Variants in TMEM51 observed in about 807,000 individuals in gnomAD.
TMEM51 encodes transmembrane protein 51.
Under a neutral mutation model 13.6 loss-of-function variants are expected in TMEM51, and 8 were observed. The observed-to-expected ratio is 0.59, with a 90% CI of 0.35 to 1.07. The LOEUF is 1.07. TMEM51 is among the 50% of genes least tolerant of loss of function. The pLI, the probability that TMEM51 is intolerant of heterozygous loss-of-function variation, is 0.02. For synonymous variants in TMEM51, 147 were observed against 144.4 expected (o/e 1.02, Z -0.13); for missense variants, 279 against 330.7 (o/e 0.84, Z 1.21).
At chr1:15,210,310 T>C (rs575417256) in intron 1 of TMEM51, among the ~76,000 whole-genome samples, 180 bp from the exon 2 acceptor site, 5 of 152,374 alleles carry the variant, frequency 3.3e-5, no homozygotes, top group African/African-American at 1.2e-4. Flanking sequence ...CTGCAACTCA[T>C]ATTTTTTTGT....
At chr1:15,188,091 C>A (rs573548900) in intron 1 of TMEM51, among the ~76,000 whole-genome samples, 1 of 152,290 alleles carries the variant, frequency 6.6e-6, no homozygotes. Flanking sequence ...GCTCATACAA[C>A]GGAAACATTG....
At chr1:15,170,475 A>C (rs1289316180) in intron 1 of TMEM51, among the ~76,000 whole-genome samples, 2 of 149,830 alleles carry the variant, frequency 1.3e-5, no homozygotes, top group Non-Finnish European at 3.0e-5. Context: ...CGCCCGGCTA[A>C]TTTTTGTATT....
At chr1:15,186,944 T>C (rs1643796691) in intron 1 of TMEM51, among the ~76,000 whole-genome samples, 1 of 152,146 alleles carries the variant, frequency 6.6e-6, no homozygotes. Context: ...CTCCTCCCCT[T>C]TGTGCTTGGG....
At chr1:15,166,336 G>A (rs1161705861) in intron 1 of TMEM51, among the ~76,000 whole-genome samples, 4 of 152,226 alleles carry the variant, frequency 2.6e-5, no homozygotes, top group Admixed American at 6.5e-5. Flanking sequence ...TTCAAACTTC[G>A]AGTATCTGGG....
At chr1:15,158,099 C>G (rs1177096850) in intron 1 of TMEM51, among the ~76,000 whole-genome samples, 1 of 152,158 alleles carries the variant, frequency 6.6e-6, no homozygotes, top group East Asian at 1.9e-4. Context: ...AGCCCGTATC[C>G]TGGTTTTTCA....
At chr1:15,188,514 A>G (rs976605642) in intron 1 of TMEM51, among the ~76,000 whole-genome samples, 3 of 152,240 alleles carry the variant, frequency 2.0e-5, no homozygotes, top group Non-Finnish European at 4.4e-5. Context: ...CCAGCCCAGC[A>G]TGGCCATACC....
chr1:15,189,616 G>A (rs987706577), intron 1 of TMEM51, among the ~76,000 whole-genome samples: 1 of 152,216 alleles, frequency 6.6e-6, no homozygotes, highest in African/African-American at 2.4e-5. Context: ...GCTTGCAGGA[G>A]GATGATCTGG....
At position 15,163,297 on chromosome 1, in the gene TMEM51, C is replaced by T. The variant is rs1024808454; in HGVS notation, c.-267+9343C>T. The stretch of plus-strand genomic sequence containing the variant: ...ACTGATCTGAAATCTTTGCCCCTTC[C>T]CTATGCTGGCAGGATCAAGCCAAAG... On this transcript the variant is annotated intron_variant, in intron 1 of 3. Coordinates refer to ENST00000376008, the MANE Select transcript of TMEM51 (RefSeq NM_001136218.2). Among the ~76,000 whole-genome samples the T allele has an allele frequency of 5.9e-5, 9 of 152,174 alleles. 1 individual carries two copies. The highest frequency in any genetic ancestry group is 2.2e-4 in the African/African-American group (9 of 41,422).
chr1:15,201,831 C>G lies in TMEM51; in HGVS notation c.-266-8659C>G, dbSNP rs143245336. Among the ~76,000 whole-genome samples the G allele has an allele frequency of 1.8e-4, 27 of 152,276 alleles. No individual in the cohort carries two copies. The East Asian group carries it at 4.6e-3, about 26-fold the overall frequency. On this transcript the variant is annotated intron_variant, in intron 1 of 3. Transcript: ENST00000376008. Reference sequence around the variant, plus strand: ...CAGATATGGGCAGGACAAACTTTCTCAAACGGCGTCCTAATCTCCAGAATC... The same window carrying G: ...CAGATATGGGCAGGACAAACTTTCTGAAACGGCGTCCTAATCTCCAGAATC...
intron 1 of TMEM51, chr1:15,192,292 G>A (rs1290651439): frequency 1.3e-5 from 5 of 379,054 alleles, no homozygotes; most frequent in South Asian, 4.9e-5. Flanking sequence ...ATTGAATAAG[G>A]TCAGGATCTA....
intron 1 of TMEM51, among the ~76,000 whole-genome samples, chr1:15,157,065 C>T (rs1642614896): frequency 6.6e-6 from 1 of 152,216 alleles, no homozygotes; most frequent in Admixed American, 6.5e-5. Context: ...AGAAAGAAAA[C>T]AGGCCGTTTG....
chr1:15,190,594 T>C (rs374305105), intron 1 of TMEM51, among the ~76,000 whole-genome samples: 2 of 151,420 alleles, frequency 1.3e-5, no homozygotes, highest in African/African-American at 4.9e-5. Context: ...AATGCTCCCC[T>C]ACCCTACCCC....
chr1:15,186,851 T>A (rs924048654), intron 1 of TMEM51, among the ~76,000 whole-genome samples: 13 of 152,058 alleles, frequency 8.5e-5, no homozygotes, highest in Admixed American at 6.5e-4. Context: ...CTTTGCAGTC[T>A]GTATCCAGGT....
At chr1:15,154,856 T>C (rs964004085) in intron 1 of TMEM51, among the ~76,000 whole-genome samples, 12 of 138,756 alleles carry the variant, frequency 8.6e-5, no homozygotes, top group Non-Finnish European at 1.6e-4. Flanking sequence ...AGGGGAGGTC[T>C]GGCTGCTGGG....
At chr1:15,206,502 G>A (rs979983669) in intron 1 of TMEM51, among the ~76,000 whole-genome samples, 2 of 152,152 alleles carry the variant, frequency 1.3e-5, no homozygotes, top group African/African-American at 4.8e-5. Context: ...AGGCACAGGT[G>A]GACTTCACAG....
chr1:15,213,587 C>T (rs1644376208), intron 2 of TMEM51, among the ~76,000 whole-genome samples: 1 of 152,196 alleles, frequency 6.6e-6, no homozygotes, highest in African/African-American at 2.4e-5. Context: ...CCTTGAGTGA[C>T]TGCTTCTCTG....
upstream of TMEM51, among the ~76,000 whole-genome samples, chr1:15,153,312 A>C (rs1339222641): frequency 6.6e-6 from 1 of 152,008 alleles, no homozygotes; most frequent in Non-Finnish European, 1.5e-5. Context: ...GTGTGGGAGG[A>C]AAGCGGGTCT....
At chr1:15,188,012 G>T (rs1643837763) in intron 1 of TMEM51, among the ~76,000 whole-genome samples, 1 of 152,202 alleles carries the variant, frequency 6.6e-6, no homozygotes, top group Admixed American at 6.5e-5. Context: ...AAAAGGGGGG[G>T]TAGGTTTTGT....
chr1:15,218,345 A>C (rs1394311110), intron 3 of TMEM51, among the ~76,000 whole-genome samples: 2 of 152,172 alleles, frequency 1.3e-5, no homozygotes, highest in Non-Finnish European at 2.9e-5. Flanking sequence ...CCTTTGACCA[A>C]AGGACCCAGC....
Sources: allele counts gnomAD v4.1 joint callset (sites outside exome capture counted in the v4.1 genomes callset), GRCh38; gene constraint gnomAD v4.1.1; transcripts MANE v1.5; gene names NCBI Gene and HGNC (gene_info 2026-07-23, HGNC 2026-07-21).